TIPRL: variants seen among roughly 807,000 people sequenced by gnomAD.
TIPRL encodes the protein TIP41-like protein.
In TIPRL, 10 loss-of-function variants were observed where a neutral mutation model predicts 32.3. That is an observed-to-expected ratio of 0.31 (90% CI 0.19 to 0.52). The LOEUF (loss-of-function observed/expected upper bound fraction) is 0.52, where lower values mean the gene tolerates loss of function less well. Among genes scored for constraint, TIPRL ranks in the 20% least tolerant of loss-of-function variants. The pLI, the probability that TIPRL is intolerant of heterozygous loss-of-function variation, is 0.96. For synonymous variants in TIPRL, 100 were observed against 114.0 expected (o/e 0.88, Z 0.78); for missense variants, 250 against 328.1 (o/e 0.76, Z 1.84).
intron 4 of TIPRL, among the ~76,000 whole-genome samples, chr1:168,195,200 C>G (rs144869734): frequency 1.4e-4 from 21 of 152,252 alleles, no homozygotes; most frequent in African/African-American, 4.8e-4. Context: ...TAGCCCTGTG[C>G]TTATATGTAA....
intron 3 of TIPRL, among the ~76,000 whole-genome samples, chr1:168,191,104 T>C (rs768705058): frequency 7.9e-5 from 12 of 152,228 alleles, no homozygotes; most frequent in Non-Finnish European, 1.5e-4. Context: ...AAGTTGATTT[T>C]AATATGACTT....
At chr1:168,199,628 A>C (rs950604170) in intron 6 of TIPRL, among the ~76,000 whole-genome samples, 1 of 152,360 alleles carries the variant, frequency 6.6e-6, no homozygotes, top group Non-Finnish European at 1.5e-5. Context: ...TTACAAAAGC[A>C]GGAGATACAT....
Position 168,187,223 on chromosome 1 carries a change from T to C in TIPRL, c.384+2345T>C, listed in dbSNP as rs1700038875. 2.0e-5 allele frequency among the ~76,000 whole-genome samples: 3 copies of C among 152,202 alleles called. No individual in the cohort carries two copies. The South Asian group carries it at 6.2e-4, about 32-fold the overall frequency. ...TGTTCTCCTCCCTCCTCTCTTCTGATTGAAAAACTTTGTAGAGACCATTTA... is the reference window on the plus strand; with the variant it reads ...TGTTCTCCTCCCTCCTCTCTTCTGACTGAAAAACTTTGTAGAGACCATTTA... On this transcript the variant is annotated intron_variant, in intron 3 of 6. Transcript: ENST00000367833.
At position 168,201,623 on chromosome 1, in the gene TIPRL, C is replaced by CA. The variant is rs1188502843; in HGVS notation, c.*1578dup. On this transcript the variant is annotated 3_prime_UTR_variant, in exon 7 of 7. Coordinates refer to ENST00000367833, the MANE Select transcript of TIPRL (RefSeq NM_152902.5). ...CTTAGGACAGAAAAGTAGACACACA[C>CA]ACACACACACACACACATGTTGTGT... 1 of 151,760 alleles carries CA rather than the reference C, an allele frequency of 6.6e-6. No individual in the cohort carries two copies. The highest frequency in any genetic ancestry group is 1.5e-5 in the Non-Finnish European group (1 of 67,876). 9.4% of individuals were successfully genotyped at this position (151,760 alleles called of 1,614,324 possible). A position where few individuals can be genotyped will look rare whatever the true frequency, so the allele number is the denominator to read the frequency against.
intron 3 of TIPRL, among the ~76,000 whole-genome samples, chr1:168,186,364 C>T (rs999625715): frequency 2.0e-5 from 3 of 151,094 alleles, no homozygotes; most frequent in South Asian, 2.1e-4. Context: ...GGCCTGGTGG[C>T]GTGTGTCTGT....
rs1700203985 is a variant in TIPRL at position 168,201,142 on chromosome 1, T to G, written c.*1096T>G. The G allele has an allele frequency of 6.6e-6, 1 of 152,178 alleles. No homozygotes were observed. The highest frequency in any genetic ancestry group is 1.5e-5 in the Non-Finnish European group (1 of 68,002). The allele number at this position is 152,178 out of a possible 1,614,324, so 9.4% of individuals were successfully genotyped here. A position where few individuals can be genotyped will look rare whatever the true frequency, so the allele number is the denominator to read the frequency against. ...TGACCCCTTAGTCATTTTATATTCT[T>G]GTCTGCCTTTCTAGAAAAATGGTTG... On this transcript the variant is annotated 3_prime_UTR_variant, in exon 7 of 7. Coordinates refer to ENST00000367833, the MANE Select transcript of TIPRL (RefSeq NM_152902.5).
intron 4 of TIPRL, among the ~76,000 whole-genome samples, chr1:168,195,801 TG>T (rs1700146644): frequency 6.6e-6 from 1 of 152,204 alleles, no homozygotes; most frequent in East Asian, 1.9e-4. Context: ...CTTGAACTCC[TG>T]GGCTCAAGTG....
At chr1:168,198,840 A>G (rs2102314288) in intron 5 of TIPRL, 79 bp from the exon 6 acceptor site, 1 of 1,242,740 alleles carries the variant, frequency 8.0e-7, no homozygotes, top group Non-Finnish European at 1.1e-6. Context: ...CCTAAAATGT[A>G]GGCAGTCTGT....
At chr1:168,196,266 A>G (rs1315432723) in intron 4 of TIPRL, among the ~76,000 whole-genome samples, 1 of 152,146 alleles carries the variant, frequency 6.6e-6, no homozygotes, top group African/African-American at 2.4e-5. Context: ...TAATTTTTAC[A>G]TTACTTGGGT....
At position 168,179,126 on chromosome 1, in the gene TIPRL, C is replaced by T. The variant is rs1478313027; in HGVS notation, c.49C>T (p.Pro17Ser). Residue 17 changes from proline (P) to serine (S), a missense_variant, in exon 1 of 7, where the codon CCC (proline) becomes TCC (serine). By Grantham distance (74) the Pro-to-Ser change is moderately conservative (BLOSUM62 -1). Transcript: ENST00000367833. ...CAGCCACCGGGATTTCTGCTTCGGG[C>T]CCTGGAAGCTGACGGCGTCCAAGAC... The part of the protein sequence containing the change: ...QSSHRDFCFG[P>S]WKLTASKTHI... 1 of 1,613,884 alleles carries T rather than the reference C, an allele frequency of 6.2e-7. No homozygotes were observed. The highest frequency in any genetic ancestry group is 8.5e-7 in the Non-Finnish European group (1 of 1,179,964).
chr1:168,188,316 A>T (rs184010742), intron 3 of TIPRL, among the ~76,000 whole-genome samples: 1 of 152,156 alleles, frequency 6.6e-6, no homozygotes, highest in Non-Finnish European at 1.5e-5. Context: ...GAGAATATTC[A>T]TAGTCAAGGA....
At chr1:168,186,074 CAAAAAAAAAAAAA>C (rs56699636) in intron 3 of TIPRL, among the ~76,000 whole-genome samples, 13 of 56,024 alleles carry the variant, frequency 2.3e-4, no homozygotes, top group South Asian at 1.9e-3. Flanking sequence ...GACTCCGTCT[CAAAAAAAAAAAAA>C]AAAAAAAAAA....
At chr1:168,195,923 C>T (rs912515342) in intron 4 of TIPRL, among the ~76,000 whole-genome samples, 2 of 152,282 alleles carry the variant, frequency 1.3e-5, no homozygotes, top group Admixed American at 1.3e-4. Context: ...TTCAACCGCT[C>T]TCTCCCCGCC....
intron 1 of TIPRL, among the ~76,000 whole-genome samples, chr1:168,180,311 G>A (rs757385592): frequency 1.7e-4 from 26 of 152,288 alleles, no homozygotes; most frequent in Non-Finnish European, 3.1e-4. Context: ...CTTTGAACAA[G>A]ATGAGAAGCA....
At chr1:168,180,256 C>T (rs1699943532) in intron 1 of TIPRL, among the ~76,000 whole-genome samples, 1 of 152,140 alleles carries the variant, frequency 6.6e-6, no homozygotes, top group Non-Finnish European at 1.5e-5. Context: ...AGAGTCTATG[C>T]TGATGACAAG....
At chr1:168,180,902 G>A (rs533404915) in intron 1 of TIPRL, among the ~76,000 whole-genome samples, 23 of 147,886 alleles carry the variant, frequency 1.6e-4, no homozygotes, top group Non-Finnish European at 3.0e-4. Context: ...GACCTCAGGT[G>A]ATCTGTCCGC....
At chr1:168,191,327 C>CT (rs749816157) in intron 3 of TIPRL, 42 bp from the exon 4 acceptor site, 2,720 of 1,415,404 alleles carry the variant, frequency 1.9e-3, no homozygotes, top group South Asian at 3.4e-3. Flanking sequence ...AGCTCCTCAA[C>CT]TTTTTTTTTA....
chr1:168,186,653 G>A (rs893231882), intron 3 of TIPRL, among the ~76,000 whole-genome samples: 6 of 152,094 alleles, frequency 3.9e-5, no homozygotes, highest in African/African-American at 1.4e-4. Context: ...CGGGCACAGT[G>A]GTTCACACCT....
At chr1:168,192,056 T>A (rs1427641309) in intron 4 of TIPRL, 2 of 917,036 alleles carry the variant, frequency 2.2e-6, no homozygotes, top group Non-Finnish European at 1.4e-6. Flanking sequence ...TGTTTATTAT[T>A]TAACTCTAAT....
Sources: allele counts gnomAD v4.1 joint callset (sites outside exome capture counted in the v4.1 genomes callset), GRCh38; gene constraint gnomAD v4.1.1; transcripts MANE v1.5; gene names NCBI Gene and HGNC (gene_info 2026-07-23, HGNC 2026-07-21).